CLSTN2: variants seen among roughly 807,000 people sequenced by gnomAD.
CLSTN2 encodes calsyntenin-2.
CLSTN2 carries 48 observed loss-of-function variants against 101.2 expected under a neutral mutation model. The observed-to-expected ratio is 0.47, with a 90% CI of 0.38 to 0.60. CLSTN2 has a LOEUF of 0.60. Ranked by LOEUF, CLSTN2 falls within the 20% of genes least tolerant of loss-of-function variation. The pLI, the probability that CLSTN2 is intolerant of heterozygous loss-of-function variation, is 0.00. For missense variants in CLSTN2, 1,160 were observed against 1,238.2 expected (o/e 0.94, Z 0.95); for synonymous variants, 481 against 463.6 (o/e 1.04, Z -0.48).
At position 140,485,561 on chromosome 3, in the gene CLSTN2, C is replaced by G. The variant is rs572241509; in HGVS notation, c.1344+18830C>G. On this transcript the variant is annotated intron_variant, in intron 8 of 16. Coordinates refer to ENST00000458420, the MANE Select transcript of CLSTN2 (RefSeq NM_022131.3). ...TATGCCCTGCCCCCAGAGGTGGAGT[C>G]TACAGTGGCAGGCAGGCCTCCTTGA... is the stretch of plus-strand genomic sequence containing the variant. Among the ~76,000 whole-genome samples, 4 of 152,316 alleles carry G rather than the reference C, an allele frequency of 2.6e-5. No individual in the cohort carries two copies. In the East Asian group the frequency reaches 7.7e-4, roughly 29 times the overall value.
intron 2 of CLSTN2, among the ~76,000 whole-genome samples, chr3:140,225,132 C>T (rs1367928055): frequency 6.6e-6 from 1 of 152,212 alleles, no homozygotes; most frequent in Non-Finnish European, 1.5e-5. Context: ...GGAGCATAGG[C>T]TCACACCAAT....
At chr3:140,066,463 T>G (rs1002129611) in intron 1 of CLSTN2, among the ~76,000 whole-genome samples, 1 of 152,214 alleles carries the variant, frequency 6.6e-6, no homozygotes, top group Non-Finnish European at 1.5e-5. Flanking sequence ...ACAAGTGGCT[T>G]TATATTAACA....
chr3:140,445,332 A>G (rs1422305463), intron 5 of CLSTN2, among the ~76,000 whole-genome samples: 1 of 152,226 alleles, frequency 6.6e-6, no homozygotes, highest in Non-Finnish European at 1.5e-5. Context: ...AACCACCAAA[A>G]TATCTAGACG....
Position 140,132,440 on chromosome 3 carries a change from C to T in CLSTN2, c.110-43511C>T, listed in dbSNP as rs577206161. 2.6e-5 allele frequency among the ~76,000 whole-genome samples: 4 copies of T among 152,232 alleles called. No homozygotes were observed. In the East Asian group the frequency reaches 5.8e-4, roughly 22 times the overall value. ...AAGAAAATAAGACAATTCTCCTGCC[C>T]TACAAGATGCAAAGGAAAGAAGGGG... is the stretch of plus-strand genomic sequence containing the variant. On this transcript the variant is annotated intron_variant, in intron 1 of 16. Coordinates refer to ENST00000458420, the MANE Select transcript of CLSTN2 (RefSeq NM_022131.3).
intron 1 of CLSTN2, among the ~76,000 whole-genome samples, chr3:140,020,662 A>G (rs2007295382): frequency 6.6e-6 from 1 of 152,122 alleles, no homozygotes; most frequent in Non-Finnish European, 1.5e-5. Flanking sequence ...CTCTGGTCTG[A>G]CCACTAATAG....
chr3:140,402,004 A>G (rs933796763), intron 2 of CLSTN2, among the ~76,000 whole-genome samples: 1 of 151,998 alleles, frequency 6.6e-6, no homozygotes, highest in African/African-American at 2.4e-5. Context: ...AAGTACATTG[A>G]GAAATGGCTA....
chr3:140,041,095 C>T (rs999141124), intron 1 of CLSTN2, among the ~76,000 whole-genome samples: 2 of 152,190 alleles, frequency 1.3e-5, no homozygotes, highest in Non-Finnish European at 2.9e-5. Context: ...CAGTATATTA[C>T]CTCTTCCATT....
At chr3:140,454,814 T>TA (rs1176627960) in intron 6 of CLSTN2, 2 of 152,234 alleles carry the variant, frequency 1.3e-5, no homozygotes, top group Admixed American at 6.5e-5. Context: ...TCTGCTCTGA[T>TA]ATGACATATG....
chr3:140,094,477 A>C (rs1035001410), intron 1 of CLSTN2, among the ~76,000 whole-genome samples: 9 of 152,332 alleles, frequency 5.9e-5, no homozygotes, highest in Non-Finnish European at 1.3e-4. Context: ...TGATTCCTTT[A>C]ACTCTTGCAG....
At chr3:140,436,897 A>C (rs987411397) in intron 5 of CLSTN2, among the ~76,000 whole-genome samples, 3 of 152,170 alleles carry the variant, frequency 2.0e-5, no homozygotes, top group Non-Finnish European at 2.9e-5. Context: ...GCTGGTGGAC[A>C]GTGCTGAGAA....
At chr3:140,336,557 C>T (rs2087441440) in intron 2 of CLSTN2, among the ~76,000 whole-genome samples, 1 of 152,156 alleles carries the variant, frequency 6.6e-6, no homozygotes, top group African/African-American at 2.4e-5. Context: ...CACTGTTTAG[C>T]ACCCAGATTC....
At chr3:140,267,301 C>G (rs1359564562) in intron 2 of CLSTN2, among the ~76,000 whole-genome samples, 1 of 152,126 alleles carries the variant, frequency 6.6e-6, no homozygotes, top group Non-Finnish European at 1.5e-5. Flanking sequence ...GGAGAAAATA[C>G]AGAGAAATGA....
chr3:139,977,721 T>C (rs1935843990), intron 1 of CLSTN2, among the ~76,000 whole-genome samples: 1 of 150,178 alleles, frequency 6.7e-6, no homozygotes, highest in South Asian at 2.1e-4. Context: ...TGGGGGGCAG[T>C]GGGCAAAGCC....
intron 5 of CLSTN2, among the ~76,000 whole-genome samples, chr3:140,436,318 C>T (rs955278152): frequency 1.3e-5 from 2 of 152,168 alleles, no homozygotes; most frequent in Admixed American, 6.5e-5. Flanking sequence ...CCAGTTTTCC[C>T]AGCACCACTT....
At chr3:140,151,674 C>T (rs2009869012) in intron 1 of CLSTN2, among the ~76,000 whole-genome samples, 2 of 152,082 alleles carry the variant, frequency 1.3e-5, no homozygotes, top group Admixed American at 1.3e-4. Context: ...AGCTTATAAG[C>T]AAATCCTCCT....
At chr3:140,120,203 C>G (rs916951307) in intron 1 of CLSTN2, among the ~76,000 whole-genome samples, 1 of 152,184 alleles carries the variant, frequency 6.6e-6, no homozygotes, top group African/African-American at 2.4e-5. Context: ...GCCTCTGGAA[C>G]TTCTGACCCA....
intron 1 of CLSTN2, among the ~76,000 whole-genome samples, chr3:140,171,639 T>A (rs11708454): frequency 1.4e-4 from 15 of 104,244 alleles, no homozygotes; most frequent in East Asian, 7.4e-4. Context: ...TATTATATAT[T>A]ATATATAATA....
In CLSTN2 at chr3:140,418,513, CT is replaced by C. The variant is rs1051422077; in HGVS notation, c.638-2609del. ...TAGTTCTTTCTTTCTTTCTTTCTTT[CT>C]TTCTTTTTTTTTTTTTTTTCTGAGA... On this transcript the variant is annotated intron_variant, in intron 4 of 16. Coordinates refer to ENST00000458420, the MANE Select transcript of CLSTN2 (RefSeq NM_022131.3). 1.0e-3 allele frequency among the ~76,000 whole-genome samples: 43 copies of C among 42,100 alleles called. 1 individual carries two copies. Among genetic ancestry groups the C allele is most frequent in the African/African-American group, 2.4e-3 (5 of 2,090 alleles). 27.6% of individuals were successfully genotyped at this position (42,100 alleles called of 152,430 possible).
At chr3:140,535,886 A>C (rs1935350086) in intron 9 of CLSTN2, among the ~76,000 whole-genome samples, 1 of 152,180 alleles carries the variant, frequency 6.6e-6, no homozygotes, top group Admixed American at 6.5e-5. Context: ...TTATGTAATT[A>C]TGTCTGGAAA....
Sources: gnomAD v4.1 joint callset for allele counts (sites outside exome capture counted in the v4.1 genomes callset) on GRCh38, gnomAD v4.1.1 for gene constraint, MANE v1.5 for transcripts, NCBI Gene and HGNC (gene_info 2026-07-23, HGNC 2026-07-21) for gene names.